FRAS1: variants seen among roughly 807,000 people sequenced by gnomAD.
FRAS1 encodes the protein extracellular matrix organizing protein FRAS1.
In FRAS1, 290 loss-of-function variants were observed where a neutral mutation model predicts 435.2. The ratio of observed to expected loss-of-function variants is 0.67; its 90% confidence interval spans 0.61 to 0.73. The LOEUF (loss-of-function observed/expected upper bound fraction) is 0.73, where lower values mean the gene tolerates loss of function less well. Ranked by LOEUF, FRAS1 falls within the 30% of genes least tolerant of loss-of-function variation. The pLI, the probability that FRAS1 is intolerant of heterozygous loss-of-function variation, is 0.00. For missense variants in FRAS1, 4,860 were observed against 5,001.5 expected (o/e 0.97, Z 0.85); for synonymous variants, 1,800 against 1,851.0 (o/e 0.97, Z 0.71).
At position 78,271,093 on chromosome 4, in the gene FRAS1, A is replaced by G. The variant is rs190855722; in HGVS notation, c.981+3661A>G. On this transcript the variant is annotated intron_variant, in intron 9 of 73. Coordinates refer to ENST00000512123, the MANE Select transcript of FRAS1 (RefSeq NM_025074.7). ...GCTACCAAAGACATCCAGTGCATCCAGAGACAACCAATGCTTCCATAATAT... is the reference window on the plus strand; with the variant it reads ...GCTACCAAAGACATCCAGTGCATCCGGAGACAACCAATGCTTCCATAATAT... Among the ~76,000 whole-genome samples, 9 of 152,358 alleles carry G rather than the reference A, an allele frequency of 5.9e-5. No homozygotes were observed. The East Asian group carries it at 1.7e-3, about 29-fold the overall frequency.
intron 57 of FRAS1, 141 bp downstream of exon 57, chr4:78,482,105 A>G: frequency 1.1e-6 from 1 of 924,392 alleles, no homozygotes; most frequent in South Asian, 1.7e-5. Flanking sequence ...TACATAAACA[A>G]GAGAGTTAAC....
chr4:78,478,154 C>G, intron 55 of FRAS1, 93 bp downstream of exon 55: 2 of 1,337,498 alleles, frequency 1.5e-6, no homozygotes, highest in South Asian at 1.5e-5. Context: ...CATGCATTAT[C>G]TTAACTCACA....
chr4:78,156,225 C>T (rs1720876006), intron 2 of FRAS1, among the ~76,000 whole-genome samples: 1 of 152,080 alleles, frequency 6.6e-6, no homozygotes, highest in South Asian at 2.1e-4. Flanking sequence ...TGAAAGATTT[C>T]TCAGGTTTAC....
intron 2 of FRAS1, among the ~76,000 whole-genome samples, chr4:78,140,568 A>T (rs1026347259): frequency 4.0e-5 from 6 of 151,804 alleles, no homozygotes; most frequent in African/African-American, 1.5e-4. Flanking sequence ...TCGTGGAACC[A>T]ACCCAAGTGC....
intron 14 of FRAS1, among the ~76,000 whole-genome samples, chr4:78,289,675 C>T (rs1727790130): frequency 6.6e-6 from 1 of 152,202 alleles, no homozygotes; most frequent in Non-Finnish European, 1.5e-5. Flanking sequence ...CCCCACTCTT[C>T]TTGACTCTGC....
At chr4:78,521,943 T>TA (rs1721399522) in intron 68 of FRAS1, among the ~76,000 whole-genome samples, 1 of 152,244 alleles carries the variant, frequency 6.6e-6, no homozygotes, top group East Asian at 1.9e-4. Context: ...ATCCAGTCTC[T>TA]ATTCATATTT....
chr4:78,234,925 C>A (rs939139272), intron 2 of FRAS1, among the ~76,000 whole-genome samples: 1 of 152,152 alleles, frequency 6.6e-6, no homozygotes, highest in Non-Finnish European at 1.5e-5. Flanking sequence ...TATTCATATA[C>A]GTCCTATTGG....
chr4:78,477,004 A>G (rs1719872231), intron 54 of FRAS1, among the ~76,000 whole-genome samples: 1 of 143,362 alleles, frequency 7.0e-6, no homozygotes, highest in African/African-American at 2.5e-5. Context: ...AAAAAAAAAA[A>G]CAAAGTAAAA....
chr4:78,411,108 A>ATTTTT (rs369399937), intron 31 of FRAS1, among the ~76,000 whole-genome samples: 5 of 142,858 alleles, frequency 3.5e-5, no homozygotes, highest in Non-Finnish European at 6.1e-5. Context: ...AGTTGCATGG[A>ATTTTT]TTTTTTTTCT....
intron 14 of FRAS1, among the ~76,000 whole-genome samples, chr4:78,302,781 C>A (rs139677809): frequency 0.042 from 6,330 of 152,038 alleles, 372 homozygotes; most frequent in African/African-American, 0.13. Flanking sequence ...GAGTAGGCTG[C>A]GAAAATCTTC....
chr4:78,126,824 G>A (rs1719384635), intron 2 of FRAS1, among the ~76,000 whole-genome samples: 1 of 152,172 alleles, frequency 6.6e-6, no homozygotes, highest in African/African-American at 2.4e-5. Flanking sequence ...CCAACTTTGT[G>A]TGTATATGTG....
Position 78,472,307 on chromosome 4 carries a change from G to C in FRAS1, c.7499G>C (p.Arg2500Thr), listed in dbSNP as rs1328407377. 9.3e-6 allele frequency: 15 copies of C among 1,608,242 alleles called. No homozygotes were observed. Among genetic ancestry groups the C allele is most frequent in the Non-Finnish European group, 1.3e-5 (15 of 1,176,080 alleles). Residue 2500 changes from arginine (R) to threonine (T), a missense_variant, in exon 52 of 74, where the codon AGA becomes ACA. Coordinates refer to ENST00000512123, the MANE Select transcript of FRAS1 (RefSeq NM_025074.7). ...GFVENKLQPGRAAATFTQEDV... is the reference protein window; with the variant it reads ...GFVENKLQPGTAAATFTQEDV... ...GTGGAGAACAAGCTGCAGCCTGGCA[G>C]AGCTGCTGCCACTTTCACCCAGGGT...
chr4:78,432,370 C>T lies in FRAS1; in HGVS notation c.4983C>T (p.Thr1661=). The change falls in exon 38 of 74, where the codon ACC becomes ACT. Residue 1661 remains threonine (T), a synonymous_variant. Transcript: ENST00000512123. The stretch of plus-strand genomic sequence containing the variant: ...TATTCTTGGAAGGTGACACTTTCAC[C>T]TATGAGGATGTTGAGAAAAATGCTC... ...RRPMATGDTF[T]YEDVEKNALQ... 2 of 1,599,710 alleles carry T rather than the reference C, an allele frequency of 1.3e-6. No homozygotes were observed. The highest frequency in any genetic ancestry group is 1.7e-6 in the Non-Finnish European group (2 of 1,172,138).
At chr4:78,302,290 A>T (rs1442117909) in intron 14 of FRAS1, among the ~76,000 whole-genome samples, 1 of 151,706 alleles carries the variant, frequency 6.6e-6, no homozygotes, top group Non-Finnish European at 1.5e-5. Context: ...AGTCTTTGCT[A>T]TTATGAATAA....
At chr4:78,497,482 T>G (rs1206378104) in intron 60 of FRAS1, among the ~76,000 whole-genome samples, 1 of 152,102 alleles carries the variant, frequency 6.6e-6, no homozygotes, top group African/African-American at 2.4e-5. Context: ...AACTGGGACA[T>G]AATTGTTTCA....
At chr4:78,375,010 T>G (rs547656582) in intron 25 of FRAS1, among the ~76,000 whole-genome samples, 1 of 152,156 alleles carries the variant, frequency 6.6e-6, no homozygotes, top group Non-Finnish European at 1.5e-5. Context: ...AAGCCCAGGT[T>G]TTCTGATTCT....
chr4:78,177,650 C>G (rs1324629195), intron 2 of FRAS1, among the ~76,000 whole-genome samples: 1 of 152,154 alleles, frequency 6.6e-6, no homozygotes, highest in African/African-American at 2.4e-5. Context: ...TCTGCCAGCT[C>G]TACTTGAGAT....
intron 28 of FRAS1, among the ~76,000 whole-genome samples, chr4:78,385,963 G>A (rs1325737558): frequency 1.3e-5 from 2 of 151,430 alleles, no homozygotes; most frequent in Non-Finnish European, 2.9e-5. Context: ...ACAACTTACT[G>A]GTTTAGATGT....
chr4:78,484,187 G>A (rs1159465693), intron 58 of FRAS1, among the ~76,000 whole-genome samples: 1 of 152,068 alleles, frequency 6.6e-6, no homozygotes, highest in Non-Finnish European at 1.5e-5. Context: ...ACTAGAAAAT[G>A]CATTTGAGAC....
Sources: gnomAD v4.1 joint callset for allele counts (sites outside exome capture counted in the v4.1 genomes callset) on GRCh38, gnomAD v4.1.1 for gene constraint, MANE v1.5 for transcripts, NCBI Gene and HGNC (gene_info 2026-07-23, HGNC 2026-07-21) for gene names.